The following LAMC1 variants were observed in gnomAD, a reference collection of about 807,000 sequenced individuals.
LAMC1 encodes the protein laminin subunit gamma-1.
LAMC1 carries 38 observed loss-of-function variants against 173.6 expected under a neutral mutation model. The ratio of observed to expected loss-of-function variants is 0.22; its 90% confidence interval spans 0.17 to 0.29. LAMC1 has a LOEUF of 0.29. LAMC1 is among the 10% of genes least tolerant of loss of function. LAMC1 has a pLI of 1.00. For synonymous variants in LAMC1, 746 were observed against 749.1 expected, an observed-to-expected ratio of 1.00 and a Z score of 0.07; for missense variants, 1,824 against 2,051.8, an observed-to-expected ratio of 0.89 and a Z score of 2.14.
intron 1 of LAMC1, among the ~76,000 whole-genome samples, chr1:183,026,758 TTAAA>T (rs1333097746): frequency 2.0e-5 from 3 of 151,906 alleles, no homozygotes; most frequent in Non-Finnish European, 4.4e-5. Flanking sequence ...ATGTTGAACT[TTAAA>T]TACAGTAAAC....
chr1:183,128,624 T>G lies in LAMC1; in HGVS notation c.3154T>G (p.Leu1052Val). ...VADHRVKLQELESLIANLGTG... is the reference protein window; with the variant it reads ...VADHRVKLQEVESLIANLGTG... ...TGATCATAGAGTGAAGCTCCAGGAA[T>G]TAGAGAGTCTCATAGCAAACCTTGG... The change falls in exon 18 of 28, where the codon TTA becomes GTA. Residue 1052 changes from leucine (L) to valine (V), a missense_variant. By Grantham distance (32) the Leu-to-Val change is conservative. Coordinates refer to ENST00000258341, the MANE Select transcript of LAMC1 (RefSeq NM_002293.4). 1 of 1,612,308 alleles carries G rather than the reference T, an allele frequency of 6.2e-7. No individual in the cohort carries two copies. Among genetic ancestry groups the G allele is most frequent in the Non-Finnish European group, 8.5e-7 (1 of 1,178,868 alleles).
In LAMC1 at chr1:183,126,199, A is replaced by G. The variant is rs1656615368; in HGVS notation, c.2881A>G (p.Thr961Ala). 1 of 1,614,164 alleles carries G rather than the reference A, an allele frequency of 6.2e-7. No homozygotes were observed. Among genetic ancestry groups the G allele is most frequent in the Non-Finnish European group, 8.5e-7 (1 of 1,180,012 alleles). The change falls in exon 16 of 28, where the codon ACT becomes GCT. Residue 961 changes from threonine to alanine, a missense_variant. By Grantham distance (58) the Thr-to-Ala change is moderately conservative. Coordinates refer to ENST00000258341, the MANE Select transcript of LAMC1 (RefSeq NM_002293.4). ...TGQCECQPGI[T>A]GQHCERCEVN... is the part of the protein sequence containing the mutation. ...CCAGTGTGAGTGCCAGCCCGGCATCACTGGTCAGCACTGTGAGCGCTGTGA... is the reference window on the plus strand; with the variant it reads ...CCAGTGTGAGTGCCAGCCCGGCATCGCTGGTCAGCACTGTGAGCGCTGTGA...
intron 1 of LAMC1, among the ~76,000 whole-genome samples, chr1:183,054,201 G>T (rs1200645042): frequency 6.6e-6 from 1 of 152,178 alleles, no homozygotes; most frequent in African/African-American, 2.4e-5. Context: ...ACTACTATGT[G>T]CTATGCATGG....
At chr1:183,061,595 GTTAC>G (rs1654747265) in intron 1 of LAMC1, among the ~76,000 whole-genome samples, 1 of 151,916 alleles carries the variant, frequency 6.6e-6, no homozygotes, top group Non-Finnish European at 1.5e-5. Flanking sequence ...TAAGTTTTAT[GTTAC>G]TTTGAGATAT....
At chr1:183,136,898 T>C (rs1371513063) in intron 25 of LAMC1, among the ~76,000 whole-genome samples, 3 of 152,140 alleles carry the variant, frequency 2.0e-5, no homozygotes, top group Non-Finnish European at 4.4e-5. Context: ...ACATTCTTCT[T>C]TGACCTAGAC....
chr1:183,097,649 A>G (rs1163764358), intron 1 of LAMC1, among the ~76,000 whole-genome samples: 1 of 152,222 alleles, frequency 6.6e-6, no homozygotes, highest in African/African-American at 2.4e-5. Context: ...CAGAGAGATG[A>G]GAAATACTTT....
intron 1 of LAMC1, among the ~76,000 whole-genome samples, chr1:183,079,479 C>T (rs1451557662): frequency 6.6e-6 from 1 of 151,640 alleles, no homozygotes; most frequent in Non-Finnish European, 1.5e-5. Flanking sequence ...TGGTCTTGAT[C>T]TCCTGACCTC....
rs2333621 is a variant in LAMC1 at position 183,121,616 on chromosome 1, A to G, written c.1991-107A>G. The stretch of plus-strand genomic sequence containing the variant: ...TCAGAGCCCAGTTAAGCAAATGGCT[A>G]ATTTTCTCTGGAATTTGGGGTCTAG... On this transcript the variant is annotated intron_variant, in intron 11 of 27. Coordinates refer to ENST00000258341, the MANE Select transcript of LAMC1 (RefSeq NM_002293.4). 0.56 allele frequency: 510,018 copies of G among 905,256 alleles called. 146,270 individuals are homozygous for G. Among genetic ancestry groups the G allele is most frequent in the South Asian group, 0.65 (37,052 of 56,794 alleles). 56.1% of individuals were successfully genotyped at this position (905,256 alleles called of 1,614,324 possible). A position where few individuals can be genotyped will look rare whatever the true frequency, so the allele number is the denominator to read the frequency against.
At chr1:183,093,954 C>T (rs1168105334) in intron 1 of LAMC1, among the ~76,000 whole-genome samples, 1 of 152,180 alleles carries the variant, frequency 6.6e-6, no homozygotes, top group East Asian at 1.9e-4. Flanking sequence ...GTACAGCAAC[C>T]AGTCATCCTT....
At chr1:183,038,302 C>T (rs1409676955) in intron 1 of LAMC1, among the ~76,000 whole-genome samples, 2 of 152,156 alleles carry the variant, frequency 1.3e-5, no homozygotes, top group East Asian at 1.9e-4. Flanking sequence ...CCTGGGGTTA[C>T]AGGCGTGAGC....
At position 183,121,856 on chromosome 1, in the gene LAMC1, C is replaced by T. The variant is rs767235630; in HGVS notation, c.2124C>T (p.Tyr708=). 2 of 1,614,180 alleles carry T rather than the reference C, an allele frequency of 1.2e-6. No homozygotes were observed. Among genetic ancestry groups the T allele is most frequent in the East Asian group, 2.2e-5 (1 of 44,886 alleles). Residue 708 remains tyrosine, a synonymous_variant, in exon 12 of 28, where the codon TAC becomes TAT. Coordinates refer to ENST00000258341, the MANE Select transcript of LAMC1 (RefSeq NM_002293.4). ...GQFCEMCLSG[Y]RRETPNLGPY... Reference sequence around the variant, plus strand: ...TTTGTGAGATGTGCCTCTCAGGTTACAGAAGAGAAACTCCTAATCTTGGAC... The same window carrying T: ...TTTGTGAGATGTGCCTCTCAGGTTATAGAAGAGAAACTCCTAATCTTGGAC...
chr1:183,123,097 C>T (rs931659465), intron 13 of LAMC1, among the ~76,000 whole-genome samples: 3 of 152,154 alleles, frequency 2.0e-5, no homozygotes, highest in African/African-American at 7.2e-5. Context: ...TTTCTTCGAC[C>T]CTTTGTTTCT....
chr1:183,080,595 G>T (rs1655246035), intron 1 of LAMC1, among the ~76,000 whole-genome samples: 1 of 152,106 alleles, frequency 6.6e-6, no homozygotes, highest in East Asian at 1.9e-4. Flanking sequence ...TCCACTTATT[G>T]GTCACTGAGT....
chr1:183,117,758 G>A (rs199504778), intron 10 of LAMC1, 35 bp downstream of exon 10: 165 of 1,554,884 alleles, frequency 1.1e-4, no homozygotes, highest in Middle Eastern at 3.6e-4. Flanking sequence ...GAGACTTGAC[G>A]AACATTGTGA....
intron 2 of LAMC1, among the ~76,000 whole-genome samples, chr1:183,107,959 G>A (rs1203477697): frequency 2.6e-5 from 4 of 152,140 alleles, no homozygotes; most frequent in Non-Finnish European, 5.9e-5. Context: ...GAGGGAAGGG[G>A]CATGTGTATC....
chr1:183,047,267 A>C (rs1191689787), intron 1 of LAMC1, among the ~76,000 whole-genome samples: 5 of 152,190 alleles, frequency 3.3e-5, no homozygotes, highest in Non-Finnish European at 5.9e-5. Context: ...CCTAAAAAAC[A>C]AAGCAAACTG....
intron 6 of LAMC1, among the ~76,000 whole-genome samples, chr1:183,116,047 G>A (rs987567912): frequency 2.7e-5 from 4 of 148,334 alleles, no homozygotes; most frequent in Admixed American, 6.7e-5. Context: ...GGAGAATGGC[G>A]TGAACCTGGG....
intron 18 of LAMC1, among the ~76,000 whole-genome samples, chr1:183,129,046 G>C (rs1305364118): frequency 7.1e-6 from 1 of 140,140 alleles, no homozygotes; most frequent in Admixed American, 7.1e-5. Context: ...TATTAAAATA[G>C]TTTTAAAAAT....
chr1:183,130,207 T>C (rs1230781951), intron 18 of LAMC1, 137 bp from the exon 19 acceptor site: 3 of 697,632 alleles, frequency 4.3e-6, no homozygotes, highest in East Asian at 5.4e-5. Context: ...TGTCCAGCTA[T>C]GGCAGGGGCT....
Sources: gnomAD v4.1 joint callset for allele counts (sites outside exome capture counted in the v4.1 genomes callset) on GRCh38, gnomAD v4.1.1 for gene constraint, MANE v1.5 for transcripts, NCBI Gene and HGNC (gene_info 2026-07-23, HGNC 2026-07-21) for gene names.